CLEC2D: variants seen among roughly 807,000 people sequenced by gnomAD.
CLEC2D encodes C-type lectin domain family 2 member D.
A neutral mutation model predicts 20.0 loss-of-function variants in CLEC2D; 16 were observed. That is an observed-to-expected ratio of 0.80 (90% CI 0.54 to 1.22). The LOEUF (loss-of-function observed/expected upper bound fraction) is 1.22, where lower values mean the gene tolerates loss of function less well. Ranked by LOEUF, CLEC2D falls within the 50% of genes most tolerant of loss-of-function variation. The probability of loss-of-function intolerance (pLI) is 0.00; values close to 1 mark genes in which losing one functional copy is unlikely to be tolerated. For synonymous variants in CLEC2D, 77 were observed against 71.1 expected (o/e 1.08, Z -0.42); for missense variants, 207 against 221.5 (o/e 0.93, Z 0.42).
chr12:9,669,894 T>C lies in CLEC2D; in HGVS notation c.61+99T>C, dbSNP rs115309447. On this transcript the variant is annotated intron_variant, in intron 1 of 4. Transcript: ENST00000290855. ...GGAAAGGTGCTGATCTAGTAAAAAG[T>C]TTTCAAGGATAAGAGATGGAATGTG... 1.2e-3 allele frequency: 1,036 copies of C among 879,356 alleles called. 6 individuals are homozygous for C. In the African/African-American group the frequency reaches 0.016, roughly 14 times the overall value. The allele number at this position is 879,356 out of a possible 1,614,324, so 54.5% of individuals were successfully genotyped here. A position where few individuals can be genotyped will look rare whatever the true frequency, so the allele number is the denominator to read the frequency against.
At chr12:9,691,426 T>C (rs1423664958) in intron 3 of CLEC2D, among the ~76,000 whole-genome samples, 1 of 152,162 alleles carries the variant, frequency 6.6e-6, no homozygotes, top group Non-Finnish European at 1.5e-5. Context: ...CTAACAGGCA[T>C]ATACAGAAGA....
In CLEC2D at chr12:9,697,512, C is replaced by G. The variant is rs1866025409; in HGVS notation, c.*2638C>G. ...CTCAGCTCTGAAGGCTGTGAGACCC[C>G]TGATTTCCCACTTCACACCTCTATA... On this transcript the variant is annotated 3_prime_UTR_variant, in exon 5 of 5. Coordinates refer to ENST00000290855, the MANE Select transcript of CLEC2D (RefSeq NM_013269.6). 2 of 150,696 alleles carry G rather than the reference C, an allele frequency of 1.3e-5. No homozygotes were observed. The highest frequency in any genetic ancestry group is 5.0e-5 in the African/African-American group (2 of 40,232). The allele number at this position is 150,696 out of a possible 1,614,324, so 9.3% of individuals were successfully genotyped here.
rs1286185063 is a variant in CLEC2D at position 9,697,706 on chromosome 12, T to G, written c.*2832T>G. The G allele has an allele frequency of 2.6e-5, 3 of 115,636 alleles. No individual in the cohort carries two copies. Among genetic ancestry groups the G allele is most frequent in the Non-Finnish European group, 5.4e-5 (3 of 55,414 alleles). 7.2% of individuals were successfully genotyped at this position (115,636 alleles called of 1,614,324 possible). On this transcript the variant is annotated 3_prime_UTR_variant, in exon 5 of 5. Coordinates refer to ENST00000290855, the MANE Select transcript of CLEC2D (RefSeq NM_013269.6). ...GAAAAAAAATGTTGCATGATCTCACTTATAGTGAAACTTAAAAAAAAAACC... is the reference window on the plus strand; with the variant it reads ...GAAAAAAAATGTTGCATGATCTCACGTATAGTGAAACTTAAAAAAAAAACC...
intron 1 of CLEC2D, among the ~76,000 whole-genome samples, chr12:9,674,543 T>G (rs11519377): frequency 0.059 from 9,005 of 152,314 alleles, 315 homozygotes; most frequent in Non-Finnish European, 0.084. Context: ...TTGGCCATTT[T>G]GGCCCCTCCC....
In CLEC2D at chr12:9,687,904, A is replaced by T; in HGVS notation, c.175A>T (p.Ile59Leu). The T allele has an allele frequency of 6.6e-7, 1 of 1,518,950 alleles. No individual in the cohort carries two copies. Among genetic ancestry groups the T allele is most frequent in the Non-Finnish European group, 8.8e-7 (1 of 1,133,694 alleles). 94.1% of individuals were successfully genotyped at this position (1,518,950 alleles called of 1,614,324 possible). Residue 59 changes from isoleucine to leucine, a missense_variant and splice_region_variant, in exon 3 of 5, where the codon ATA (isoleucine) becomes TTA (leucine). By Grantham distance (5) the Ile-to-Leu change is conservative. Coordinates refer to ENST00000290855, the MANE Select transcript of CLEC2D (RefSeq NM_013269.6). ...VCGMVAALSA[I>L]RANCHQEPSV... ...ATTTATTTTTATTTTATTTTCAGCA[A>T]TAAGAGCTAACTGCCATCAAGAGCC... is the stretch of plus-strand genomic sequence containing the variant.
rs1046712508 is a variant in CLEC2D at position 9,699,131 on chromosome 12, T to G, written c.*4257T>G. The G allele has an allele frequency of 6.6e-6, 1 of 152,118 alleles. No individual in the cohort carries two copies. The highest frequency in any genetic ancestry group is 1.9e-4 in the East Asian group (1 of 5,200). The allele number at this position is 152,118 out of a possible 1,614,324, so 9.4% of individuals were successfully genotyped here. The stretch of plus-strand genomic sequence containing the variant: ...TAAGTTCTCCCCAAATTATTTACTC[T>G]TCCCCCAAAATCACCCACACTTCCC... On this transcript the variant is annotated 3_prime_UTR_variant, in exon 5 of 5. Transcript: ENST00000290855.
At position 9,695,382 on chromosome 12, in the gene CLEC2D, C is replaced by T. The variant is rs767658463; in HGVS notation, c.*508C>T. ...TCCTACCTAAGTGTGTGTCGCCACC[C>T]GATGGAAGATTCGATGGACATGGAC... is the stretch of plus-strand genomic sequence containing the variant. On this transcript the variant is annotated 3_prime_UTR_variant, in exon 5 of 5. Coordinates refer to ENST00000290855, the MANE Select transcript of CLEC2D (RefSeq NM_013269.6). The T allele has an allele frequency of 5.0e-5, 73 of 1,460,316 alleles. 1 individual carries two copies. The highest frequency in any genetic ancestry group is 1.2e-4 in the South Asian group (11 of 88,560). The allele number at this position is 1,460,316 out of a possible 1,614,324, so 90.5% of individuals were successfully genotyped here.
intron 4 of CLEC2D, chr12:9,694,040 C>T (rs772414584): frequency 1.1e-3 from 190 of 178,390 alleles, no homozygotes; most frequent in African/African-American, 4.8e-3. Context: ...TCTTGAACTC[C>T]TGAGCTCAAG....
chr12:9,692,976 T>G, intron 4 of CLEC2D, 45 bp downstream of exon 4: 1 of 1,597,922 alleles, frequency 6.3e-7, no homozygotes, highest in South Asian at 1.1e-5. Context: ...TTGAATTTAC[T>G]TTGCATTAAA....
In CLEC2D at chr12:9,697,110, C is replaced by T. The variant is rs1035373343; in HGVS notation, c.*2236C>T. ...GAAATCCTGTTATGTTGGGAACAAG[C>T]CCCCCAAAATCTGGCCATAAACTCA... On this transcript the variant is annotated 3_prime_UTR_variant, in exon 5 of 5. Coordinates refer to ENST00000290855, the MANE Select transcript of CLEC2D (RefSeq NM_013269.6). The T allele has an allele frequency of 1.3e-5, 2 of 151,854 alleles. No individual in the cohort carries two copies. The highest frequency in any genetic ancestry group is 4.8e-5 in the African/African-American group (2 of 41,316). 9.4% of individuals were successfully genotyped at this position (151,854 alleles called of 1,614,324 possible).
chr12:9,685,733 T>G (rs1865734647), intron 2 of CLEC2D, among the ~76,000 whole-genome samples: 1 of 152,170 alleles, frequency 6.6e-6, no homozygotes. Context: ...TGGGGTCCAC[T>G]TCAGACTGCT....
intron 2 of CLEC2D, among the ~76,000 whole-genome samples, chr12:9,682,212 T>C (rs887290758): frequency 3.3e-5 from 5 of 152,206 alleles, no homozygotes; most frequent in African/African-American, 1.2e-4. Flanking sequence ...AATGTGTTAT[T>C]ATGTATTACT....
intron 1 of CLEC2D, among the ~76,000 whole-genome samples, chr12:9,676,747 A>G (rs1004838163): frequency 6.6e-6 from 1 of 152,190 alleles, no homozygotes; most frequent in Non-Finnish European, 1.5e-5. Context: ...GACAATTGGT[A>G]TAATTTTTTC....
chr12:9,689,394 A>G (rs1020832987), intron 3 of CLEC2D, among the ~76,000 whole-genome samples: 2 of 152,220 alleles, frequency 1.3e-5, no homozygotes, highest in African/African-American at 4.8e-5. Flanking sequence ...AAGTTACCAG[A>G]GTTACCACAA....
intron 1 of CLEC2D, among the ~76,000 whole-genome samples, chr12:9,672,046 T>G (rs1187611914): frequency 1.3e-5 from 2 of 152,124 alleles, no homozygotes; most frequent in Non-Finnish European, 2.9e-5. Flanking sequence ...TACCCAAGAC[T>G]GGGTAATTTA....
rs75257215 is a variant in CLEC2D at position 9,691,381 on chromosome 12, T to C, written c.358-1447T>C. 0.011 allele frequency among the ~76,000 whole-genome samples: 1,638 copies of C among 152,210 alleles called. 64 individuals carry two copies. The South Asian group carries it at 0.11, about 10-fold the overall frequency. On this transcript the variant is annotated intron_variant, in intron 3 of 4. Transcript: ENST00000290855. ...ACTAGACATAAGATCAATAAGGAAA[T>C]AGAAAATTTGAACAACACTATAAAC...
intron 2 of CLEC2D, among the ~76,000 whole-genome samples, chr12:9,683,365 T>G (rs1274603322): frequency 7.1e-6 from 1 of 141,734 alleles, no homozygotes; most frequent in Admixed American, 7.1e-5. Flanking sequence ...GTGCAGAAGC[T>G]CTTTAGTTAA....
chr12:9,695,497 T>C lies in CLEC2D; in HGVS notation c.*623T>C. On this transcript the variant is annotated 3_prime_UTR_variant, in exon 5 of 5. Transcript: ENST00000290855. ...ACTTTAAGGTGGATAATGATGAAAA[T>C]GAGACCAGTTATCTTTAAGAACGGT... 1.6e-6 allele frequency: 2 copies of C among 1,260,844 alleles called. No individual in the cohort carries two copies. The highest frequency in any genetic ancestry group is 2.3e-5 in the East Asian group (1 of 43,318). 78.1% of individuals were successfully genotyped at this position (1,260,844 alleles called of 1,614,324 possible).
chr12:9,688,136 T>A (rs746183662), intron 3 of CLEC2D, 50 bp downstream of exon 3: 2 of 1,470,232 alleles, frequency 1.4e-6, no homozygotes, highest in Non-Finnish European at 1.8e-6. Flanking sequence ...TACAAGGATA[T>A]GTTTTCCTGT....
Sources: allele counts gnomAD v4.1 joint callset (sites outside exome capture counted in the v4.1 genomes callset), GRCh38; gene constraint gnomAD v4.1.1; transcripts MANE v1.5; gene names NCBI Gene and HGNC (gene_info 2026-07-23, HGNC 2026-07-21).